HDGFL3: variants seen among roughly 807,000 people sequenced by gnomAD.
HDGFL3 encodes HDGF like 3, also known as hepatoma-derived growth factor-related protein 3.
In HDGFL3, 6 loss-of-function variants were observed where a neutral mutation model predicts 27.6. That is an observed-to-expected ratio of 0.22 (90% CI 0.12 to 0.43). The LOEUF (loss-of-function observed/expected upper bound fraction) is 0.43, where lower values mean the gene tolerates loss of function less well. HDGFL3 is among the 20% of genes least tolerant of loss of function. The pLI is 1.00. For missense variants in HDGFL3, 207 were observed against 250.1 expected (o/e 0.83, Z 1.16); for synonymous variants, 88 against 88.9 (o/e 0.99, Z 0.05).
At position 83,135,772 on chromosome 15, in the gene HDGFL3, A is replaced by T. The variant is rs1295632794; in HGVS notation, c.*3498T>A. Reference sequence around the variant, plus strand: ...TTCTAAATAAATTATAATTTGATTTAAAAAGGTTGCCTGCATGTACATTTG... The same window carrying T: ...TTCTAAATAAATTATAATTTGATTTTAAAAGGTTGCCTGCATGTACATTTG... On this transcript the variant is annotated 3_prime_UTR_variant, in exon 6 of 6. Transcript: ENST00000299633. 1 of 152,262 alleles carries T rather than the reference A, an allele frequency of 6.6e-6. No homozygotes were observed. Among genetic ancestry groups the T allele is most frequent in the East Asian group, 1.9e-4 (1 of 5,202 alleles). 9.4% of individuals were successfully genotyped at this position (152,262 alleles called of 1,614,324 possible).
At chr15:83,176,401 T>C (rs2037311643) in intron 1 of HDGFL3, among the ~76,000 whole-genome samples, 1 of 152,218 alleles carries the variant, frequency 6.6e-6, no homozygotes, top group African/African-American at 2.4e-5. Context: ...TTTGAATACT[T>C]AAAATGTGGT....
rs1158181025 is a variant in HDGFL3, at chr15:83,139,271, T to C, written c.611A>G (p.Ter204=). 4.8e-6 allele frequency: 7 copies of C among 1,450,796 alleles called. No homozygotes were observed. The South Asian group carries it at 9.9e-5, about 21-fold the overall frequency. 89.9% of individuals were successfully genotyped at this position (1,450,796 alleles called of 1,614,324 possible). A position where few individuals can be genotyped will look rare whatever the true frequency, so the allele number is the denominator to read the frequency against. The change falls in exon 6 of 6, where the codon TAA becomes TGA. Residue 204 remains the stop codon, a stop_retained_variant. Transcript: ENST00000299633. The part of the protein sequence containing the change: ...SDLQKTSEGT[*] ...AATATGCAGCATTCATTATGGTAGT[T>C]AGGTCTGTAAAAAAAAAAAAAAGAA...
intron 5 of HDGFL3, among the ~76,000 whole-genome samples, chr15:83,140,171 G>A (rs893389260): frequency 2.0e-5 from 3 of 151,984 alleles, no homozygotes; most frequent in African/African-American, 7.3e-5. Flanking sequence ...TATACTAAAT[G>A]GTATATATTA....
In HDGFL3 at chr15:83,193,436, C is replaced by T. The variant is rs144949839; in HGVS notation, c.84+13895G>A. ...TTGAAAAAAAACAGAAAATAAGCAT[C>T]GGCGAGGAAGTAAAGAAATTGGAAC... On this transcript the variant is annotated intron_variant, in intron 1 of 5. Coordinates refer to ENST00000299633, the MANE Select transcript of HDGFL3 (RefSeq NM_016073.4). Among the ~76,000 whole-genome samples the T allele has an allele frequency of 1.7e-3, 257 of 152,232 alleles. 3 individuals carry two copies. Among genetic ancestry groups the T allele is most frequent in the Admixed American group, 0.013 (206 of 15,284 alleles).
chr15:83,139,190 T>A lies in HDGFL3; in HGVS notation c.*80A>T. The A allele has an allele frequency of 1.0e-6, 1 of 955,456 alleles. No individual in the cohort carries two copies. Among genetic ancestry groups the A allele is most frequent in the South Asian group, 3.0e-5 (1 of 33,784 alleles). 59.2% of individuals were successfully genotyped at this position (955,456 alleles called of 1,614,324 possible). On this transcript the variant is annotated 3_prime_UTR_variant, in exon 6 of 6. Transcript: ENST00000299633. ...ACAACAAGGACTATGTGTTGGTTCA[T>A]ATCAAATCCAAGAATATTAGACAAC...
At position 83,139,225 on chromosome 15, in the gene HDGFL3, A is replaced by T. The variant is rs1245478605; in HGVS notation, c.*45T>A. Reference sequence around the variant, plus strand: ...AAGAATATTAGACAACCAAACATATAACCTTCTTGTGGTTTCTCTTAATAT... The same window carrying T: ...AAGAATATTAGACAACCAAACATATTACCTTCTTGTGGTTTCTCTTAATAT... On this transcript the variant is annotated 3_prime_UTR_variant, in exon 6 of 6. Coordinates refer to ENST00000299633, the MANE Select transcript of HDGFL3 (RefSeq NM_016073.4). 1.5e-6 allele frequency: 2 copies of T among 1,354,858 alleles called. No individual in the cohort carries two copies. The highest frequency in any genetic ancestry group is 1.5e-5 in the African/African-American group (1 of 66,492). The allele number at this position is 1,354,858 out of a possible 1,614,324, so 83.9% of individuals were successfully genotyped here.
chr15:83,153,278 A>C (rs2036987084), intron 4 of HDGFL3, among the ~76,000 whole-genome samples: 1 of 152,110 alleles, frequency 6.6e-6, no homozygotes, highest in Non-Finnish European at 1.5e-5. Context: ...TCGGCCTCCC[A>C]AAGTGCTGGG....
At chr15:83,158,102 ATATCAG>A in intron 2 of HDGFL3, 61 bp from the exon 3 acceptor site, 1 of 1,408,016 alleles carries the variant, frequency 7.1e-7, no homozygotes. Context: ...GATATTTTAA[ATATCAG>A]TATCAGTGAA....
chr15:83,198,046 C>T (rs1175063680), intron 1 of HDGFL3, among the ~76,000 whole-genome samples: 1 of 28,960 alleles, frequency 3.5e-5, no homozygotes, highest in Admixed American at 5.9e-4. Context: ...CAGAGAGAGA[C>T]TCCGTCTCAA....
chr15:83,171,649 A>C (rs1462053903), intron 1 of HDGFL3, among the ~76,000 whole-genome samples: 1 of 152,176 alleles, frequency 6.6e-6, no homozygotes, highest in African/African-American at 2.4e-5. Flanking sequence ...ACGAAAAACA[A>C]AATACCGCAT....
chr15:83,162,101 C>T (rs529494112), intron 2 of HDGFL3, among the ~76,000 whole-genome samples: 3 of 152,310 alleles, frequency 2.0e-5, no homozygotes, highest in South Asian at 4.1e-4. Context: ...CATACCTCCC[C>T]TGCATCATTT....
chr15:83,175,369 C>T (rs1185598987), intron 1 of HDGFL3, among the ~76,000 whole-genome samples: 2 of 152,118 alleles, frequency 1.3e-5, no homozygotes, highest in Non-Finnish European at 2.9e-5. Context: ...ACTTTGACAA[C>T]TTTGGAAATA....
rs1314028548 is a variant in HDGFL3 at position 83,131,114 on chromosome 15, A to T, written c.*8156T>A. On this transcript the variant is annotated 3_prime_UTR_variant, in exon 6 of 6. Transcript: ENST00000299633. ...CTCTCCCACCACCACAAAAAAACAA[A>T]ACAAAACAAAAATAGGCATTTTTCT... 6.6e-6 allele frequency: 1 copy of T among 152,060 alleles called. No homozygotes were observed. The highest frequency in any genetic ancestry group is 1.5e-5 in the Non-Finnish European group (1 of 68,014). The allele number at this position is 152,060 out of a possible 1,614,324, so 9.4% of individuals were successfully genotyped here.
At chr15:83,124,879 A>G (rs563299684), downstream of HDGFL3, 1 of 1,014,440 alleles carries the variant, frequency 9.9e-7, no homozygotes, top group South Asian at 1.4e-5. Flanking sequence ...CAGACTTCTT[A>G]GCAAACTAAC....
Position 83,154,025 on chromosome 15 carries a change from T to C in HDGFL3, c.460-2664A>G, listed in dbSNP as rs1315991184. Among the ~76,000 whole-genome samples the C allele has an allele frequency of 4.0e-5, 6 of 151,590 alleles. No individual in the cohort carries two copies. In the East Asian group the frequency reaches 1.2e-3, roughly 29 times the overall value. On this transcript the variant is annotated intron_variant, in intron 4 of 5. Transcript: ENST00000299633. Reference sequence around the variant, plus strand: ...CCATTCAACTCTTAAGAAATAGACATAAAAACAGGCCGGGCACAGTGGCTC... The same window carrying C: ...CCATTCAACTCTTAAGAAATAGACACAAAAACAGGCCGGGCACAGTGGCTC...
intron 1 of HDGFL3, among the ~76,000 whole-genome samples, chr15:83,177,070 A>T (rs1433001123): frequency 6.6e-6 from 1 of 152,080 alleles, no homozygotes; most frequent in Non-Finnish European, 1.5e-5. Flanking sequence ...GGCACGTGTC[A>T]CTATGCCTGG....
downstream of HDGFL3, chr15:83,122,987 A>T: frequency 1.6e-6 from 2 of 1,265,946 alleles, no homozygotes; most frequent in Non-Finnish European, 2.2e-6. Context: ...CATTTGGGGC[A>T]TCCAAACAGT....
intron 1 of HDGFL3, among the ~76,000 whole-genome samples, chr15:83,203,267 G>A (rs78620224): frequency 0.021 from 3,150 of 152,022 alleles, 109 homozygotes; most frequent in African/African-American, 0.072. Flanking sequence ...GTGGGGTATG[G>A]GAAGAAAACA....
At chr15:83,200,475 AC>A (rs2037631616) in intron 1 of HDGFL3, among the ~76,000 whole-genome samples, 1 of 152,250 alleles carries the variant, frequency 6.6e-6, no homozygotes, top group Admixed American at 6.5e-5. Flanking sequence ...TGAAAAACAT[AC>A]CTTCCAAACC....
Sources: gnomAD v4.1 joint callset for allele counts (sites outside exome capture counted in the v4.1 genomes callset) on GRCh38, gnomAD v4.1.1 for gene constraint, MANE v1.5 for transcripts, NCBI Gene and HGNC (gene_info 2026-07-23, HGNC 2026-07-21) for gene names.